MTRR: variants seen among roughly 807,000 people sequenced by gnomAD.
MTRR encodes the protein 5-methyltetrahydrofolate-homocysteine methyltransferase reductase, also known as methionine synthase reductase.
In MTRR, 63 loss-of-function variants were observed where a neutral mutation model predicts 79.2. The ratio of observed to expected loss-of-function variants is 0.80; its 90% confidence interval spans 0.65 to 0.98. The LOEUF (loss-of-function observed/expected upper bound fraction) is 0.98, where lower values mean the gene tolerates loss of function less well. MTRR is among the 50% of genes least tolerant of loss of function. The pLI is 0.00. For missense variants in MTRR, 895 were observed against 839.6 expected, an observed-to-expected ratio of 1.07 and a Z score of -0.82; for synonymous variants, 355 against 313.3, an observed-to-expected ratio of 1.13 and a Z score of -1.41.
intron 10 of MTRR, among the ~76,000 whole-genome samples, chr5:7,891,948 G>A (rs1420170539): frequency 2.0e-5 from 3 of 152,084 alleles, no homozygotes; most frequent in Non-Finnish European, 2.9e-5. Context: ...AGGCTGAGGT[G>A]GGAGAATGGC....
At chr5:7,872,709 C>T (rs780287015) in intron 2 of MTRR, among the ~76,000 whole-genome samples, 2 of 152,172 alleles carry the variant, frequency 1.3e-5, no homozygotes, top group Non-Finnish European at 2.9e-5. Flanking sequence ...GTTTTTATTG[C>T]TGTTTTTCTT....
chr5:7,869,989 T>C lies in MTRR; in HGVS notation c.-26+774T>C, dbSNP rs149786347. On this transcript the variant is annotated intron_variant, in intron 1 of 14. Transcript: ENST00000440940. Reference sequence around the variant, plus strand: ...GCCAAGCTTTTGGTTTGGGTTTCAGTTTAAATCTGTCTCTGCAAATTGACA... The same window carrying C: ...GCCAAGCTTTTGGTTTGGGTTTCAGCTTAAATCTGTCTCTGCAAATTGACA... 168 of 984,768 alleles carry C rather than the reference T, an allele frequency of 1.7e-4. No homozygotes were observed. The African/African-American group carries it at 2.7e-3, about 16-fold the overall frequency. The allele number at this position is 984,768 out of a possible 1,614,324, so 61.0% of individuals were successfully genotyped here.
At chr5:7,855,629 T>C (rs1746223426) in intron 1 of MTRR, among the ~76,000 whole-genome samples, 1 of 152,174 alleles carries the variant, frequency 6.6e-6, no homozygotes, top group African/African-American at 2.4e-5. Flanking sequence ...GCACTGGGAA[T>C]ACAACATGAG....
chr5:7,864,659 T>C (rs1188454581), upstream of MTRR, among the ~76,000 whole-genome samples: 3 of 152,172 alleles, frequency 2.0e-5, no homozygotes, highest in Non-Finnish European at 4.4e-5. Flanking sequence ...TTAATGCTCA[T>C]TAAAATGCAA....
chr5:7,851,064 C>G, upstream of MTRR: 1 of 1,236,142 alleles, frequency 8.1e-7, no homozygotes, highest in Non-Finnish European at 1.0e-6. Context: ...CGGTCCGTCC[C>G]GCCCGCCCAG....
In MTRR at chr5:7,869,193, C is replaced by A. The variant is rs747889650; in HGVS notation, c.-48C>A. 6.2e-7 allele frequency: 1 copy of A among 1,610,234 alleles called. No homozygotes were observed. The highest frequency in any genetic ancestry group is 8.5e-7 in the Non-Finnish European group (1 of 1,179,810). ...TGGTGGAAGTCGCGTTGTGCAGGTTCGTGCCCGGCTGGCGCGGCGTGGGTA... is the reference window on the plus strand; with the variant it reads ...TGGTGGAAGTCGCGTTGTGCAGGTTAGTGCCCGGCTGGCGCGGCGTGGGTA... On this transcript the variant is annotated 5_prime_UTR_variant, in exon 1 of 15. Coordinates refer to ENST00000440940, the MANE Select transcript of MTRR (RefSeq NM_002454.3).
At chr5:7,867,921 C>T (rs140095335), upstream of MTRR, 3 of 1,614,072 alleles carry the variant, frequency 1.9e-6, no homozygotes, top group Non-Finnish European at 2.5e-6. Context: ...TGGAATTTGA[C>T]CCCGAAAGGC....
chr5:7,860,982 G>A (rs41282639), intron 1 of MTRR, among the ~76,000 whole-genome samples: 27,125 of 152,088 alleles, frequency 0.18, 3,177 homozygotes, highest in African/African-American at 0.31. Context: ...TCCCTCTTGG[G>A]TTCCCAAGCC....
At chr5:7,861,377 T>G in intron 1 of MTRR, 1 of 616,184 alleles carries the variant, frequency 1.6e-6, no homozygotes, top group Non-Finnish European at 2.6e-6. Flanking sequence ...TGTGCCAATA[T>G]TATTTTCAAA....
intron 4 of MTRR, among the ~76,000 whole-genome samples, chr5:7,877,042 C>G (rs1322341472): frequency 6.6e-6 from 1 of 152,224 alleles, no homozygotes; most frequent in African/African-American, 2.4e-5. Context: ...ACATGAGCAC[C>G]TCCCGAGCAC....
At chr5:7,886,796 G>A in intron 8 of MTRR, 93 bp downstream of exon 8, 1 of 1,029,052 alleles carries the variant, frequency 9.7e-7, no homozygotes, top group South Asian at 1.3e-5. Flanking sequence ...GCCCTTTGCA[G>A]TCTTAAAAAA....
chr5:7,883,328 G>GA (rs778911931), intron 6 of MTRR, 51 bp downstream of exon 6: 2 of 1,612,166 alleles, frequency 1.2e-6, no homozygotes, highest in South Asian at 2.2e-5. Context: ...AGGATGTGCA[G>GA]AAAGAGTTGT....
upstream of MTRR, chr5:7,869,037 T>A: frequency 6.9e-7 from 1 of 1,441,104 alleles, no homozygotes; most frequent in Non-Finnish European, 9.7e-7. Context: ...GTCGTGGGCC[T>A]CCGTAGCAAA....
rs1387725501 is a variant in MTRR, at chr5:7,894,851, G to C, written c.1558-883G>C. Among the ~76,000 whole-genome samples the C allele has an allele frequency of 5.3e-5, 8 of 152,160 alleles. 1 individual carries two copies. Among genetic ancestry groups the C allele is most frequent in the African/African-American group, 9.6e-5 (4 of 41,458 alleles). On this transcript the variant is annotated intron_variant, in intron 11 of 14. Transcript: ENST00000440940. ...TTTTGTTCATTTCTGTATCCTTAAT[G>C]CCTGTCATGGTGAATACTTTCAGTA... is the stretch of plus-strand genomic sequence containing the variant.
intron 9 of MTRR, among the ~76,000 whole-genome samples, chr5:7,889,517 CT>C (rs1234485081): frequency 6.6e-6 from 1 of 151,918 alleles, no homozygotes; most frequent in Non-Finnish European, 1.5e-5. Context: ...TTTTGGTTTT[CT>C]TTTTTTTCCT....
At chr5:7,876,074 G>A (rs1203611999) in intron 4 of MTRR, among the ~76,000 whole-genome samples, 1 of 152,158 alleles carries the variant, frequency 6.6e-6, no homozygotes, top group African/African-American at 2.4e-5. Flanking sequence ...GTAGGTCCAT[G>A]TGTTAATTTA....
chr5:7,871,394 G>A (rs1445133804), intron 2 of MTRR, among the ~76,000 whole-genome samples: 1 of 152,138 alleles, frequency 6.6e-6, no homozygotes, highest in Non-Finnish European at 1.5e-5. Flanking sequence ...GAAAAAACTC[G>A]GCTGCTTCTT....
chr5:7,873,298 T>G, intron 2 of MTRR, 75 bp from the exon 3 acceptor site: 1 of 1,568,252 alleles, frequency 6.4e-7, no homozygotes, highest in Non-Finnish European at 8.8e-7. Context: ...GAAACTAAGC[T>G]GATTGCTTTG....
At position 7,883,250 on chromosome 5, in the gene MTRR, C is replaced by T. The variant is rs144724549; in HGVS notation, c.876C>T (p.Thr292=). 5.7e-4 allele frequency: 927 copies of T among 1,614,200 alleles called. 7 individuals carry two copies. In the African/African-American group the frequency reaches 0.011, roughly 20 times the overall value. ...TTACTACGAATGATGCCATAAAAAC[C>T]ACTCTGCTGGTAGAATTGGACATTT... ...VQLTTNDAIK[T]TLLVELDISN... The change falls in exon 6 of 15, where the codon ACC becomes ACT. Residue 292 remains threonine, a synonymous_variant. Transcript: ENST00000440940.
Sources: allele counts gnomAD v4.1 joint callset (sites outside exome capture counted in the v4.1 genomes callset), GRCh38; gene constraint gnomAD v4.1.1; transcripts MANE v1.5; gene names NCBI Gene and HGNC (gene_info 2026-07-23, HGNC 2026-07-21).